The following JAKMIP1 variants were observed in gnomAD, a reference collection of about 807,000 sequenced individuals.
JAKMIP1 encodes janus kinase and microtubule interacting protein 1, also known as janus kinase and microtubule-interacting protein 1.
JAKMIP1 carries 33 observed loss-of-function variants against 113.0 expected under a neutral mutation model. The observed-to-expected ratio is 0.29, with a 90% CI of 0.22 to 0.39. JAKMIP1 has a LOEUF of 0.39. Among genes scored for constraint, JAKMIP1 ranks in the 10% least tolerant of loss-of-function variants. The pLI is 1.00. For synonymous variants in JAKMIP1, 480 were observed against 459.9 expected, an observed-to-expected ratio of 1.04 and a Z score of -0.56; for missense variants, 813 against 1,080.5, an observed-to-expected ratio of 0.75 and a Z score of 3.47.
chr4:6,073,015 C>G (rs767114947), intron 8 of JAKMIP1, among the ~76,000 whole-genome samples: 1 of 150,628 alleles, frequency 6.6e-6, no homozygotes, highest in Non-Finnish European at 1.5e-5. Flanking sequence ...CGGAGGTTGC[C>G]GTGAGCTGAG....
chr4:6,047,484 C>T (rs567075444), intron 16 of JAKMIP1, among the ~76,000 whole-genome samples: 5 of 152,294 alleles, frequency 3.3e-5, no homozygotes, highest in African/African-American at 9.6e-5. Flanking sequence ...AGCCACCAGC[C>T]GGCCAGGTGT....
At chr4:6,046,735 G>C (rs896293455) in intron 16 of JAKMIP1, among the ~76,000 whole-genome samples, 1 of 152,204 alleles carries the variant, frequency 6.6e-6, no homozygotes, top group African/African-American at 2.4e-5. Flanking sequence ...ATGCCCAGAG[G>C]ATGAGGAGCG....
chr4:6,161,106 T>C (rs555445065), intron 1 of JAKMIP1, among the ~76,000 whole-genome samples: 6 of 118,046 alleles, frequency 5.1e-5, no homozygotes, highest in African/African-American at 6.9e-5. Flanking sequence ...ACTCACCTCC[T>C]CTGATCTCCA....
At chr4:6,100,410 A>G (rs778856458) in intron 3 of JAKMIP1, among the ~76,000 whole-genome samples, 1 of 152,272 alleles carries the variant, frequency 6.6e-6, no homozygotes, top group Non-Finnish European at 1.5e-5. Flanking sequence ...ATTGAAGCAT[A>G]TATCAATATT....
chr4:6,157,502 C>T lies in JAKMIP1; in HGVS notation c.-148+42751G>A, dbSNP rs1271920005. On this transcript the variant is annotated intron_variant, in intron 1 of 20. Transcript: ENST00000409021. This position sits in a 1 kb window ranked among gnomAD's most constrained non-coding sequence, Gnocchi z 4.7. The stretch of plus-strand genomic sequence containing the variant: ...TTCAAATTTTCAAATCAAACTTCAG[C>T]GTACACTTTCCGTAACACCTTTTTT... Among the ~76,000 whole-genome samples, 5 of 152,188 alleles carry T rather than the reference C, an allele frequency of 3.3e-5. No homozygotes were observed. Among genetic ancestry groups the T allele is most frequent in the East Asian group, 1.9e-4 (1 of 5,198 alleles).
chr4:6,149,508 T>G (rs533677456), intron 1 of JAKMIP1, among the ~76,000 whole-genome samples: 1 of 152,234 alleles, frequency 6.6e-6, no homozygotes, highest in South Asian at 2.1e-4. Context: ...AATACTGAAT[T>G]TGGGACCTGA....
At position 6,081,013 on chromosome 4, in the gene JAKMIP1, A is replaced by ACACACACACACACACC. The variant is rs1454749071; in HGVS notation, c.1101+595_1101+596insGGTGTGTGTGTGTGTG. On this transcript the variant is annotated intron_variant, in intron 6 of 20. Transcript: ENST00000409021. This position sits in a 1 kb window ranked among gnomAD's most constrained non-coding sequence, Gnocchi z 4.6. ...CACACACACACACACACACACACAC[A>ACACACACACACACACC]CCTGCATCTGCTACAGTGCAGACAG... Among the ~76,000 whole-genome samples the ACACACACACACACACC allele has an allele frequency of 1.3e-5, 2 of 151,154 alleles. No individual in the cohort carries two copies. Among genetic ancestry groups the ACACACACACACACACC allele is most frequent in the Non-Finnish European group, 3.0e-5 (2 of 67,758 alleles).
chr4:6,058,823 AAGTT>A (rs1233904894), intron 11 of JAKMIP1, among the ~76,000 whole-genome samples: 4 of 152,152 alleles, frequency 2.6e-5, no homozygotes, highest in Non-Finnish European at 4.4e-5. Flanking sequence ...TTACAACACT[AAGTT>A]AGTTATAGAC....
rs16838208 is a variant in JAKMIP1 at position 6,072,389 on chromosome 4, G to A, written c.1302+6550C>T. 5.2e-3 allele frequency among the ~76,000 whole-genome samples: 790 copies of A among 152,294 alleles called. 8 individuals carry two copies. Among genetic ancestry groups the A allele is most frequent in the African/African-American group, 0.018 (745 of 41,560 alleles). ...GATTTACATCAGCCACTCAGCTGGC[G>A]AGGCTGGGACAAAGTCCTGCTGCCC... On this transcript the variant is annotated intron_variant, in intron 8 of 20. Transcript: ENST00000409021.
intron 4 of JAKMIP1, among the ~76,000 whole-genome samples, chr4:6,085,187 T>G (rs575382371): frequency 2.0e-5 from 3 of 151,986 alleles, no homozygotes; most frequent in African/African-American, 7.2e-5. Flanking sequence ...CGTGGCTCCC[T>G]GGGGCCCTTG....
At chr4:6,035,162 C>T (rs932538047) in intron 19 of JAKMIP1, among the ~76,000 whole-genome samples, 4 of 152,044 alleles carry the variant, frequency 2.6e-5, no homozygotes, top group Admixed American at 2.0e-4. Context: ...CCCGCATCCC[C>T]CTTCTTTTTT....
At chr4:6,107,549 A>G (rs1052845520) in intron 2 of JAKMIP1, among the ~76,000 whole-genome samples, 6 of 152,148 alleles carry the variant, frequency 3.9e-5, no homozygotes, top group African/African-American at 1.4e-4. Flanking sequence ...GCCTCATCCA[A>G]TCAGTCGAAG....
At position 6,075,925 on chromosome 4, in the gene JAKMIP1, C is replaced by T. The variant is rs548406644; in HGVS notation, c.1302+3014G>A. 3.3e-5 allele frequency among the ~76,000 whole-genome samples: 5 copies of T among 152,282 alleles called. No homozygotes were observed. In the South Asian group the frequency reaches 1.0e-3, roughly 32 times the overall value. On this transcript the variant is annotated intron_variant, in intron 8 of 20. Transcript: ENST00000409021. ...GTTGCAGCTGCTCATGCCTGTAATCCCAGCACTTTGGGAGGCTGAGGCAGG... is the reference window on the plus strand; with the variant it reads ...GTTGCAGCTGCTCATGCCTGTAATCTCAGCACTTTGGGAGGCTGAGGCAGG...
chr4:6,071,534 T>G (rs6843018), intron 8 of JAKMIP1, among the ~76,000 whole-genome samples: 148,365 of 152,336 alleles, frequency 0.97, 72,263 homozygotes, highest in Admixed American at 0.98. Context: ...GGGGTTTCCT[T>G]CCCTGTGTGA....
chr4:6,026,418 G>T, intron 20 of JAKMIP1, 140 bp from the exon 21 acceptor site: 1 of 621,406 alleles, frequency 1.6e-6, no homozygotes. Context: ...AAAGAGAAAT[G>T]GGAAGTAAAC....
chr4:6,146,445 T>C (rs939295336), intron 1 of JAKMIP1, among the ~76,000 whole-genome samples: 8 of 152,056 alleles, frequency 5.3e-5, no homozygotes, highest in African/African-American at 1.4e-4. Flanking sequence ...CAGGCATGTG[T>C]CAACACTCCC....
At chr4:6,100,937 T>C (rs192902254) in intron 3 of JAKMIP1, among the ~76,000 whole-genome samples, 38 of 152,344 alleles carry the variant, frequency 2.5e-4, no homozygotes, top group African/African-American at 8.7e-4. Context: ...GTTTTTATAA[T>C]CTGCACAAAA....
At position 6,108,036 on chromosome 4, in the gene JAKMIP1, G is replaced by C. The variant is rs1222899442; in HGVS notation, c.130-2069C>G. ...CATGGAAGGGTGGGCAGAGGCCTGT[G>C]CAGGGCAGCCCGGGGCGTCTAGGGG... On this transcript the variant is annotated intron_variant, in intron 2 of 20. Transcript: ENST00000409021. The surrounding 1 kb of genome is among the most constrained non-coding windows in gnomAD (Gnocchi z 5.6). 6.6e-6 allele frequency among the ~76,000 whole-genome samples: 1 copy of C among 152,192 alleles called. No homozygotes were observed. Among genetic ancestry groups the C allele is most frequent in the Non-Finnish European group, 1.5e-5 (1 of 68,028 alleles).
chr4:6,060,646 G>A (rs1717142540), intron 10 of JAKMIP1, 139 bp from the exon 11 acceptor site: 11 of 680,944 alleles, frequency 1.6e-5, no homozygotes, highest in South Asian at 6.5e-5. Flanking sequence ...TTAGGAGCAC[G>A]TATTCAACCT....
Sources: allele counts gnomAD v4.1 joint callset (sites outside exome capture counted in the v4.1 genomes callset), GRCh38; gene constraint gnomAD v4.1.1; non-coding constraint Gnocchi (gnomAD v3.1); transcripts MANE v1.5; gene names NCBI Gene and HGNC (gene_info 2026-07-23, HGNC 2026-07-21).